The following FHIT variants were observed in gnomAD, a reference collection of about 807,000 sequenced individuals.
FHIT encodes the protein fragile histidine triad diadenosine triphosphatase, also known as bis(5'-adenosyl)-triphosphatase.
FHIT carries 19 observed loss-of-function variants against 17.9 expected under a neutral mutation model. The observed-to-expected ratio is 1.06, with a 90% CI of 0.74 to 1.56. The LOEUF is 1.56. Ranked by LOEUF, FHIT falls within the 40% of genes most tolerant of loss-of-function variation. The pLI, the probability that FHIT is intolerant of heterozygous loss-of-function variation, is 0.00. For missense variants in FHIT, 248 were observed against 189.2 expected (o/e 1.31, Z -1.82); for synonymous variants, 81 against 69.7 (o/e 1.16, Z -0.81).
At chr3:60,938,991 T>A (rs1170588355) in intron 3 of FHIT, among the ~76,000 whole-genome samples, 1 of 152,182 alleles carries the variant, frequency 6.6e-6, no homozygotes, top group Admixed American at 6.5e-5. Context: ...TATAGGTGGA[T>A]AATCTTTCAG....
At chr3:60,120,326 T>C (rs1447537550) in intron 5 of FHIT, among the ~76,000 whole-genome samples, 2 of 152,212 alleles carry the variant, frequency 1.3e-5, no homozygotes, top group Non-Finnish European at 2.9e-5. Context: ...AAGCATGAAA[T>C]CTTTAACAAA....
chr3:60,277,888 T>G (rs1559782818), intron 5 of FHIT, among the ~76,000 whole-genome samples: 1 of 152,148 alleles, frequency 6.6e-6, no homozygotes. Context: ...ACTGCTTCAC[T>G]GCAATTTGCA....
chr3:61,040,806 G>C (rs1361280046), intron 3 of FHIT, among the ~76,000 whole-genome samples: 3 of 152,092 alleles, frequency 2.0e-5, no homozygotes, highest in Non-Finnish European at 2.9e-5. Context: ...CACAATAAGA[G>C]CCACTTATAC....
intron 2 of FHIT, among the ~76,000 whole-genome samples, chr3:61,062,036 T>A (rs530903660): frequency 1.3e-5 from 2 of 152,290 alleles, no homozygotes; most frequent in South Asian, 4.1e-4. Flanking sequence ...GTAATTTCAA[T>A]GTATAGACAT....
intron 5 of FHIT, among the ~76,000 whole-genome samples, chr3:60,518,083 C>T (rs576532259): frequency 2.6e-4 from 39 of 152,176 alleles, no homozygotes; most frequent in Admixed American, 2.2e-3. Context: ...CAAGAAAATA[C>T]GCACAAATAT....
At chr3:60,336,896 A>C (rs1224043392) in intron 5 of FHIT, among the ~76,000 whole-genome samples, 1 of 92,244 alleles carries the variant, frequency 1.1e-5, no homozygotes, top group Non-Finnish European at 2.3e-5. Flanking sequence ...AAAGTAAGCA[A>C]AAAAAAAAAA....
chr3:60,942,648 T>A (rs1265699965), intron 3 of FHIT, among the ~76,000 whole-genome samples: 1 of 152,298 alleles, frequency 6.6e-6, no homozygotes, highest in Admixed American at 6.5e-5. Flanking sequence ...TTTAAAATAA[T>A]CATTTTTTGC....
chr3:59,879,919 A>ACCCCC (rs1234624847), intron 8 of FHIT, among the ~76,000 whole-genome samples: 7 of 83,014 alleles, frequency 8.4e-5, no homozygotes, highest in East Asian at 6.2e-4. Context: ...CATTTCCCCC[A>ACCCCC]CCCCCCCCCC....
At chr3:60,269,628 C>T (rs1179784041) in intron 5 of FHIT, among the ~76,000 whole-genome samples, 9 of 152,200 alleles carry the variant, frequency 5.9e-5, no homozygotes, top group Non-Finnish European at 5.9e-5. Flanking sequence ...AGTCTTTTAT[C>T]TATTTCTCCA....
At chr3:60,461,125 C>A (rs1386651837) in intron 5 of FHIT, among the ~76,000 whole-genome samples, 2 of 152,136 alleles carry the variant, frequency 1.3e-5, no homozygotes, top group Non-Finnish European at 2.9e-5. Context: ...TTTTTCTTCA[C>A]ACTGAAAAAT....
chr3:60,604,825 T>C (rs1317529947), intron 4 of FHIT, among the ~76,000 whole-genome samples: 8 of 152,152 alleles, frequency 5.3e-5, no homozygotes, highest in Admixed American at 5.2e-4. Flanking sequence ...AGAAAGCAAG[T>C]TCATTTAATC....
chr3:60,417,810 TTA>T (rs1175514534), intron 5 of FHIT, among the ~76,000 whole-genome samples: 2 of 152,154 alleles, frequency 1.3e-5, no homozygotes. Context: ...CCCTGGCTAA[TTA>T]TGTGTTAAGA....
chr3:59,994,302 G>A (rs1699413398), intron 7 of FHIT, among the ~76,000 whole-genome samples: 1 of 152,002 alleles, frequency 6.6e-6, no homozygotes, highest in South Asian at 2.1e-4. Flanking sequence ...TAAAAAGCAG[G>A]TAACCACCAA....
chr3:60,119,793 T>G (rs768195260), intron 5 of FHIT, among the ~76,000 whole-genome samples: 1 of 152,280 alleles, frequency 6.6e-6, no homozygotes, highest in African/African-American at 2.4e-5. Flanking sequence ...CCCTCCAGTG[T>G]AGCACTAATC....
At chr3:60,443,944 C>G (rs1022923890) in intron 5 of FHIT, among the ~76,000 whole-genome samples, 1 of 152,054 alleles carries the variant, frequency 6.6e-6, no homozygotes, top group Non-Finnish European at 1.5e-5. Flanking sequence ...ATCTACTCAT[C>G]TGACAAAGGG....
chr3:59,847,843 G>C (rs79276084), intron 8 of FHIT, among the ~76,000 whole-genome samples: 3,203 of 152,174 alleles, frequency 0.021, 116 homozygotes, highest in African/African-American at 0.073. Flanking sequence ...GCCTTGCCTG[G>C]AACATGCACA....
intron 5 of FHIT, among the ~76,000 whole-genome samples, chr3:60,322,617 A>G (rs1338069555): frequency 1.3e-5 from 2 of 152,190 alleles, no homozygotes; most frequent in Admixed American, 1.3e-4. Flanking sequence ...TGTTATTTGT[A>G]ACACCTCACC....
At chr3:60,792,355 C>T (rs1700810638) in intron 4 of FHIT, among the ~76,000 whole-genome samples, 1 of 152,128 alleles carries the variant, frequency 6.6e-6, no homozygotes, top group Non-Finnish European at 1.5e-5. Context: ...TATACACACA[C>T]ACACACACTT....
At chr3:60,268,419 T>C (rs1486587702) in intron 5 of FHIT, among the ~76,000 whole-genome samples, 1 of 152,190 alleles carries the variant, frequency 6.6e-6, no homozygotes, top group Admixed American at 6.5e-5. Context: ...TGGCTGTATA[T>C]CCTAATGTGT....
Sources: gnomAD v4.1 joint callset for allele counts (sites outside exome capture counted in the v4.1 genomes callset) on GRCh38, gnomAD v4.1.1 for gene constraint, MANE v1.5 for transcripts, NCBI Gene and HGNC (gene_info 2026-07-23, HGNC 2026-07-21) for gene names.